The following SAMD4A variants were observed in gnomAD, a reference collection of about 807,000 sequenced individuals.
The protein encoded by SAMD4A is protein Smaug homolog 1.
Under a neutral mutation model 81.3 loss-of-function variants are expected in SAMD4A, and 33 were observed. The observed-to-expected ratio is 0.41, with a 90% CI of 0.31 to 0.54. The LOEUF is 0.54. Ranked by LOEUF, SAMD4A falls within the 20% of genes least tolerant of loss-of-function variation. The probability of loss-of-function intolerance (pLI) is 0.37; values close to 1 mark genes in which losing one functional copy is unlikely to be tolerated. For synonymous variants in SAMD4A, 389 were observed against 382.1 expected (o/e 1.02, Z -0.21); for missense variants, 854 against 951.1 (o/e 0.90, Z 1.34).
chr14:54,726,379 G>C (rs1436261154), intron 3 of SAMD4A, among the ~76,000 whole-genome samples: 1 of 152,162 alleles, frequency 6.6e-6, no homozygotes, highest in African/African-American at 2.4e-5. Context: ...CTAGAGAGCA[G>C]TGCAAGAGTG....
At chr14:54,685,968 G>C in intron 2 of SAMD4A, 1 of 430,552 alleles carries the variant, frequency 2.3e-6, no homozygotes, top group East Asian at 7.1e-5. Context: ...CTTGACAACA[G>C]AAAGTGATGC....
intron 6 of SAMD4A, among the ~76,000 whole-genome samples, chr14:54,757,591 G>C (rs535207191): frequency 6.6e-6 from 1 of 152,272 alleles, no homozygotes; most frequent in African/African-American, 2.4e-5. Context: ...AGCAGGCAGG[G>C]GTTTGGTGCA....
chr14:54,784,289 A>C, intron 11 of SAMD4A: 2 of 1,395,466 alleles, frequency 1.4e-6, no homozygotes, highest in Non-Finnish European at 2.0e-6. Flanking sequence ...TGAGCAGAGG[A>C]GGCACAGACT....
intron 3 of SAMD4A, among the ~76,000 whole-genome samples, chr14:54,722,164 C>T (rs776457561): frequency 6.6e-6 from 1 of 152,166 alleles, no homozygotes; most frequent in African/African-American, 2.4e-5. Context: ...ATAAACAATA[C>T]TTCACATCAA....
At chr14:54,657,746 C>T (rs965637434) in intron 2 of SAMD4A, among the ~76,000 whole-genome samples, 1 of 152,128 alleles carries the variant, frequency 6.6e-6, no homozygotes, top group Non-Finnish European at 1.5e-5. Flanking sequence ...ATATAGGGAC[C>T]GTCCACATCA....
In SAMD4A at chr14:54,594,056, C is replaced by T. The variant is rs137941593; in HGVS notation, c.196+25944C>T. Reference sequence around the variant, plus strand: ...CTCTAAGAAAATGTCTTTGTTTCTTCTGTTGCAGAAGTAAAACATGATTGC... The same window carrying T: ...CTCTAAGAAAATGTCTTTGTTTCTTTTGTTGCAGAAGTAAAACATGATTGC... On this transcript the variant is annotated intron_variant, in intron 2 of 12. Coordinates refer to ENST00000554335, the MANE Select transcript of SAMD4A (RefSeq NM_015589.6). 7.5e-3 allele frequency among the ~76,000 whole-genome samples: 1,147 copies of T among 152,168 alleles called. 6 individuals carry two copies. The highest frequency in any genetic ancestry group is 0.012 in the Non-Finnish European group (837 of 68,014).
chr14:54,762,080 G>T (rs2038414190), intron 7 of SAMD4A, among the ~76,000 whole-genome samples: 1 of 152,190 alleles, frequency 6.6e-6, no homozygotes, highest in African/African-American at 2.4e-5. Flanking sequence ...AAGCATACAT[G>T]CTGGGTGCAC....
At chr14:54,658,789 A>T (rs1369121812) in intron 2 of SAMD4A, among the ~76,000 whole-genome samples, 1 of 152,082 alleles carries the variant, frequency 6.6e-6, no homozygotes, top group East Asian at 1.9e-4. Flanking sequence ...CTCATTTCCC[A>T]TCCTAACGTC....
At chr14:54,690,761 T>G (rs774528494) in intron 2 of SAMD4A, among the ~76,000 whole-genome samples, 17 of 152,214 alleles carry the variant, frequency 1.1e-4, no homozygotes, top group Non-Finnish European at 5.9e-5. Flanking sequence ...GGTGATGGTA[T>G]GAAGCTAGAT....
chr14:54,651,654 T>G (rs2035406297), intron 2 of SAMD4A, among the ~76,000 whole-genome samples: 1 of 152,362 alleles, frequency 6.6e-6, no homozygotes, highest in African/African-American at 2.4e-5. Flanking sequence ...AATATTTATA[T>G]GTAATCATGT....
At position 54,737,157 on chromosome 14, in the gene SAMD4A, C is replaced by T. The variant is rs189199163; in HGVS notation, c.849C>T (p.Cys283=). The stretch of plus-strand genomic sequence containing the variant: ...ACTTACGAGCTAGAGGACCCCAGTG[C>T]CTCCCATCCGATCATGCCCCCCTGT... ...HEDLRARGPQ[C]LPSDHAPLSP... Residue 283 remains cysteine (C), a synonymous_variant, in exon 4 of 13, where the codon TGC becomes TGT. Coordinates refer to ENST00000554335, the MANE Select transcript of SAMD4A (RefSeq NM_015589.6). The T allele has an allele frequency of 1.2e-6, 2 of 1,614,100 alleles. No individual in the cohort carries two copies. The highest frequency in any genetic ancestry group is 2.2e-5 in the East Asian group (1 of 44,878).
In SAMD4A at chr14:54,776,703, C is replaced by T. The variant is rs573776445; in HGVS notation, c.2044+163C>T. Among the ~76,000 whole-genome samples the T allele has an allele frequency of 1.2e-3, 185 of 152,304 alleles. 2 individuals carry two copies. The Middle Eastern group carries it at 0.014, about 11-fold the overall frequency. On this transcript the variant is annotated intron_variant, in intron 11 of 12. Transcript: ENST00000554335. The stretch of plus-strand genomic sequence containing the variant: ...AACTGTGCCTTGCCAGCATGAATAG[C>T]GGCGGCTTGGCTGAGAGCCAGCATG...
At chr14:54,681,255 T>A (rs573173837) in intron 2 of SAMD4A, among the ~76,000 whole-genome samples, 3 of 138,700 alleles carry the variant, frequency 2.2e-5, no homozygotes, top group Admixed American at 8.3e-5. Flanking sequence ...ACAGTCCCAC[T>A]TGTCTTGCAT....
intron 3 of SAMD4A, among the ~76,000 whole-genome samples, chr14:54,716,411 A>T (rs1424511146): frequency 6.6e-6 from 1 of 152,198 alleles, no homozygotes; most frequent in Non-Finnish European, 1.5e-5. Flanking sequence ...GAAATTGAAT[A>T]TACTCTCTGT....
intron 7 of SAMD4A, 54 bp from the exon 8 acceptor site, chr14:54,764,401 C>T (rs1275042122): frequency 8.3e-7 from 1 of 1,210,580 alleles, no homozygotes; most frequent in Non-Finnish European, 1.2e-6. Flanking sequence ...AGTCAGGTCC[C>T]AGAGATTAGA....
intron 2 of SAMD4A, among the ~76,000 whole-genome samples, chr14:54,655,206 C>T (rs1050304514): frequency 1.3e-5 from 2 of 152,154 alleles, no homozygotes; most frequent in African/African-American, 4.8e-5. Context: ...TTTTCAGAGA[C>T]CACATTGATG....
At chr14:54,593,876 G>C (rs1013913758) in intron 2 of SAMD4A, among the ~76,000 whole-genome samples, 2 of 141,300 alleles carry the variant, frequency 1.4e-5, no homozygotes, top group African/African-American at 2.5e-5. Flanking sequence ...TGAGCCAAGT[G>C]GGGGAGAATC....
At chr14:54,759,239 C>A (rs1454110570) in intron 6 of SAMD4A, among the ~76,000 whole-genome samples, 1 of 152,230 alleles carries the variant, frequency 6.6e-6, no homozygotes, top group Non-Finnish European at 1.5e-5. Context: ...TCCCTGGTTT[C>A]CCATCTTAGA....
intron 9 of SAMD4A, among the ~76,000 whole-genome samples, chr14:54,773,661 C>T (rs541786492): frequency 2.7e-4 from 41 of 152,336 alleles, no homozygotes; most frequent in African/African-American, 8.9e-4. Flanking sequence ...TGGACCTGCC[C>T]TGGCCCTTAT....
Sources: gnomAD v4.1 joint callset for allele counts (sites outside exome capture counted in the v4.1 genomes callset) on GRCh38, gnomAD v4.1.1 for gene constraint, MANE v1.5 for transcripts, NCBI Gene and HGNC (gene_info 2026-07-23, HGNC 2026-07-21) for gene names.